Variants in ST6GALNAC3 observed in about 807,000 individuals in gnomAD.
ST6GALNAC3 encodes ST6 N-acetylgalactosaminide alpha-2,6-sialyltransferase 3, also known as alpha-N-acetylgalactosaminide alpha-2,6-sialyltransferase 3.
Under a neutral mutation model 32.7 loss-of-function variants are expected in ST6GALNAC3, and 25 were observed. The observed-to-expected ratio is 0.76, with a 90% CI of 0.56 to 1.07. The LOEUF (loss-of-function observed/expected upper bound fraction) is 1.07. ST6GALNAC3 is among the 50% of genes least tolerant of loss of function. The probability of loss-of-function intolerance (pLI) is 0.00; values close to 1 mark genes in which losing one functional copy is unlikely to be tolerated. For synonymous variants in ST6GALNAC3, 129 were observed against 133.1 expected, an observed-to-expected ratio of 0.97 and a Z score of 0.21; for missense variants, 355 against 382.4, an observed-to-expected ratio of 0.93 and a Z score of 0.60.
intron 2 of ST6GALNAC3, among the ~76,000 whole-genome samples, chr1:76,381,894 C>G (rs1651739321): frequency 6.6e-6 from 1 of 152,104 alleles, no homozygotes; most frequent in Admixed American, 6.5e-5. Flanking sequence ...CTACACCACA[C>G]TAGCAGTGAG....
At chr1:76,150,306 C>A (rs556846656) in intron 1 of ST6GALNAC3, among the ~76,000 whole-genome samples, 1 of 152,148 alleles carries the variant, frequency 6.6e-6, no homozygotes, top group African/African-American at 2.4e-5. Flanking sequence ...CTTCAACTTT[C>A]CTCTTTAACC....
chr1:76,344,107 G>A (rs1648293398), intron 2 of ST6GALNAC3, among the ~76,000 whole-genome samples: 1 of 152,316 alleles, frequency 6.6e-6, no homozygotes, highest in Admixed American at 6.5e-5. Flanking sequence ...AAGGTGTTAT[G>A]AAAGAAACAA....
chr1:76,456,792 C>CAAGACAGG (rs1159782641), intron 3 of ST6GALNAC3, among the ~76,000 whole-genome samples: 4 of 152,116 alleles, frequency 2.6e-5, no homozygotes, highest in African/African-American at 4.8e-5. Flanking sequence ...AAAACTGGCA[C>CAAGACAGG]AAGACAGGGA....
intron 1 of ST6GALNAC3, among the ~76,000 whole-genome samples, chr1:76,231,985 C>A (rs113059666): frequency 6.6e-6 from 1 of 152,312 alleles, no homozygotes; most frequent in African/African-American, 2.4e-5. Flanking sequence ...ATTTTGACAA[C>A]AAGGCTTCGA....
intron 3 of ST6GALNAC3, among the ~76,000 whole-genome samples, chr1:76,456,930 A>G (rs1383869130): frequency 1.3e-5 from 2 of 152,198 alleles, no homozygotes; most frequent in African/African-American, 2.4e-5. Flanking sequence ...TTTGCAGACA[A>G]CATGACTGTA....
chr1:76,257,076 A>G (rs764724035), intron 1 of ST6GALNAC3, among the ~76,000 whole-genome samples: 2 of 152,202 alleles, frequency 1.3e-5, no homozygotes, highest in African/African-American at 2.4e-5. Flanking sequence ...TTACAAGTAT[A>G]GAACCATTAC....
intron 3 of ST6GALNAC3, chr1:76,577,176 C>G: frequency 1.9e-6 from 2 of 1,026,690 alleles, no homozygotes; most frequent in Non-Finnish European, 2.3e-6. Context: ...TTGTTTTATT[C>G]AATTTGTCTT....
Position 76,122,291 on chromosome 1 carries a change from T to TC in ST6GALNAC3, c.18+47412dup, listed in dbSNP as rs1370762124. Among the ~76,000 whole-genome samples, 6 of 152,296 alleles carry TC rather than the reference T, an allele frequency of 3.9e-5. No individual in the cohort carries two copies. In the South Asian group the frequency reaches 1.2e-3, roughly 32 times the overall value. On this transcript the variant is annotated intron_variant, in intron 1 of 4. Transcript: ENST00000328299. ...GTTCTGGGTAGAATGTGCTCTTCTC[T>TC]CCCCCATGCGTTATCTTCATAGGTG...
chr1:76,592,657 G>T (rs1168944252), intron 3 of ST6GALNAC3, among the ~76,000 whole-genome samples: 1 of 152,034 alleles, frequency 6.6e-6, no homozygotes, highest in East Asian at 1.9e-4. Context: ...AGACTTCCTG[G>T]TCACTCCTTC....
At position 76,137,778 on chromosome 1, in the gene ST6GALNAC3, C is replaced by T. The variant is rs2706189; in HGVS notation, c.18+62894C>T. Among the ~76,000 whole-genome samples the T allele has an allele frequency of 8.2e-3, 1,253 of 152,232 alleles. 15 individuals are homozygous for T. The highest frequency in any genetic ancestry group is 0.029 in the African/African-American group (1,185 of 41,522). On this transcript the variant is annotated intron_variant, in intron 1 of 4. Transcript: ENST00000328299. ...CCTTCCAAGAGATTCTATCACTTAC[C>T]CAAAGCCGAAACACTTGTCCAGTTT...
At chr1:76,258,569 T>C (rs1289024727) in intron 1 of ST6GALNAC3, among the ~76,000 whole-genome samples, 2 of 152,170 alleles carry the variant, frequency 1.3e-5, no homozygotes, top group African/African-American at 4.8e-5. Flanking sequence ...GAGGAGGCAA[T>C]GCATTCTAGA....
At chr1:76,381,700 A>C (rs1291259858) in intron 2 of ST6GALNAC3, among the ~76,000 whole-genome samples, 2 of 152,206 alleles carry the variant, frequency 1.3e-5, no homozygotes, top group Non-Finnish European at 2.9e-5. Flanking sequence ...TGCATATGCA[A>C]TACTTAGAAG....
At chr1:76,281,166 C>G (rs946892886) in intron 1 of ST6GALNAC3, among the ~76,000 whole-genome samples, 1 of 152,138 alleles carries the variant, frequency 6.6e-6, no homozygotes. Context: ...CACCTTAATT[C>G]AAGCTTTTTT....
Position 76,634,356 on chromosome 1 carries a change from G to A in ST6GALNAC3, c.*5550G>A, listed in dbSNP as rs1649440544. 5.9e-6 allele frequency: 1 copy of A among 168,316 alleles called. No individual in the cohort carries two copies. Among genetic ancestry groups the A allele is most frequent in the Non-Finnish European group, 1.2e-5 (1 of 82,860 alleles). The allele number at this position is 168,316 out of a possible 1,614,324, so 10.4% of individuals were successfully genotyped here. On this transcript the variant is annotated 3_prime_UTR_variant, in exon 5 of 5. Coordinates refer to ENST00000328299, the MANE Select transcript of ST6GALNAC3 (RefSeq NM_152996.4). ...TACTAATTTCCTTGTGTTTAGCTTT[G>A]TTGTCACTGTTACTGAGTAAATACC...
At chr1:76,174,010 C>A (rs1652689683) in intron 1 of ST6GALNAC3, among the ~76,000 whole-genome samples, 2 of 152,152 alleles carry the variant, frequency 1.3e-5, no homozygotes, top group African/African-American at 4.8e-5. Context: ...AAATATAAAT[C>A]ATTCTACTAC....
chr1:76,588,841 A>G (rs917174318), intron 3 of ST6GALNAC3, among the ~76,000 whole-genome samples: 3 of 152,160 alleles, frequency 2.0e-5, no homozygotes, highest in South Asian at 4.1e-4. Flanking sequence ...CACTTGTTCC[A>G]GCCTGAGTAA....
At chr1:76,292,026 G>A (rs1464853402) in intron 1 of ST6GALNAC3, among the ~76,000 whole-genome samples, 3 of 152,186 alleles carry the variant, frequency 2.0e-5, no homozygotes, top group Non-Finnish European at 4.4e-5. Flanking sequence ...GAGATTTATG[G>A]CCAAAAGACT....
Position 76,509,944 on chromosome 1 carries a change from T to C in ST6GALNAC3, c.623+97527T>C, listed in dbSNP as rs1341069067. On this transcript the variant is annotated intron_variant, in intron 3 of 4. Transcript: ENST00000328299. The surrounding 1 kb of genome is among the most constrained non-coding windows in gnomAD (Gnocchi z 5.5). The stretch of plus-strand genomic sequence containing the variant: ...AAGCAACATATTCACAGGTTTCAAG[T>C]ATTAGAGTGGGGATATCTTTAGGGA... Among the ~76,000 whole-genome samples the C allele has an allele frequency of 6.6e-6, 1 of 152,204 alleles. No homozygotes were observed. Among genetic ancestry groups the C allele is most frequent in the East Asian group, 1.9e-4 (1 of 5,194 alleles).
intron 2 of ST6GALNAC3, among the ~76,000 whole-genome samples, chr1:76,351,108 C>T (rs898776090): frequency 1.3e-5 from 2 of 152,078 alleles, no homozygotes; most frequent in African/African-American, 2.4e-5. Context: ...TTTGAGTGTG[C>T]GTGTCTCCAT....
Sources: allele counts gnomAD v4.1 joint callset (sites outside exome capture counted in the v4.1 genomes callset), GRCh38; gene constraint gnomAD v4.1.1; non-coding constraint Gnocchi (gnomAD v3.1); transcripts MANE v1.5; gene names NCBI Gene and HGNC (gene_info 2026-07-23, HGNC 2026-07-21).